RGS7: variants seen among roughly 807,000 people sequenced by gnomAD.
RGS7 encodes the protein regulator of G protein signaling 7.
RGS7 carries 27 observed loss-of-function variants against 81.1 expected under a neutral mutation model. The observed-to-expected ratio is 0.33, with a 90% CI of 0.25 to 0.46. The LOEUF (loss-of-function observed/expected upper bound fraction) is 0.46. Ranked by LOEUF, RGS7 falls within the 20% of genes least tolerant of loss-of-function variation. The probability of loss-of-function intolerance (pLI) is 1.00; values close to 1 mark genes in which losing one functional copy is unlikely to be tolerated. For missense variants in RGS7, 396 were observed against 607.4 expected (o/e 0.65, Z 3.66); for synonymous variants, 208 against 207.7 (o/e 1.00, Z -0.01).
At chr1:240,933,745 G>T (rs1287515574) in intron 5 of RGS7, among the ~76,000 whole-genome samples, 1 of 151,876 alleles carries the variant, frequency 6.6e-6, no homozygotes, top group Non-Finnish European at 1.5e-5. Context: ...ATATACTAAT[G>T]TATTGAAAGT....
At chr1:241,110,553 G>C (rs575458009) in intron 2 of RGS7, among the ~76,000 whole-genome samples, 2 of 152,258 alleles carry the variant, frequency 1.3e-5, no homozygotes, top group East Asian at 3.9e-4. Context: ...CTGGGATTTA[G>C]CTAATCTCTG....
intron 2 of RGS7, among the ~76,000 whole-genome samples, chr1:241,142,949 G>T (rs967785564): frequency 6.6e-6 from 1 of 152,056 alleles, no homozygotes; most frequent in Non-Finnish European, 1.5e-5. Context: ...AATTTCTTCC[G>T]CCAGATACCC....
At chr1:241,244,011 A>G (rs907508991) in intron 2 of RGS7, among the ~76,000 whole-genome samples, 4 of 152,216 alleles carry the variant, frequency 2.6e-5, no homozygotes, top group African/African-American at 9.6e-5. Flanking sequence ...GATCCTTTCT[A>G]GCGGGCAGTG....
chr1:240,823,206 C>A, intron 10 of RGS7: 1 of 860,326 alleles, frequency 1.2e-6, no homozygotes, highest in South Asian at 1.3e-5. Context: ...TGTCCATGGA[C>A]TTCTTCGTAT....
chr1:241,098,821 C>A, intron 2 of RGS7, 59 bp from the exon 3 acceptor site: 1 of 1,239,052 alleles, frequency 8.1e-7, no homozygotes, highest in South Asian at 1.2e-5. Context: ...GAAAAAAAAT[C>A]AGCTCTCATA....
intron 2 of RGS7, among the ~76,000 whole-genome samples, chr1:241,338,839 A>G (rs1213417303): frequency 6.6e-6 from 1 of 152,074 alleles, no homozygotes; most frequent in Non-Finnish European, 1.5e-5. Flanking sequence ...ACATATTATC[A>G]TCATCACTGA....
At chr1:241,090,349 C>T (rs1232822861) in intron 3 of RGS7, among the ~76,000 whole-genome samples, 1 of 152,030 alleles carries the variant, frequency 6.6e-6, no homozygotes, top group Non-Finnish European at 1.5e-5. Context: ...CTGGCATGTG[C>T]AATTTTTACT....
In RGS7 at chr1:241,316,533, C is replaced by CTGA. The variant is rs1444680425; in HGVS notation, c.78+39163_78+39165dup. ...GATTTGAGGAGCTGTATTCAGGAGA[C>CTGA]TGATGGAAGACCAAATGTAAGTATT... On this transcript the variant is annotated intron_variant, in intron 2 of 18. Coordinates refer to ENST00000440928, the MANE Select transcript of RGS7 (RefSeq NM_001364886.1). Among the ~76,000 whole-genome samples the CTGA allele has an allele frequency of 2.6e-5, 4 of 152,180 alleles. No homozygotes were observed. The East Asian group carries it at 5.8e-4, about 22-fold the overall frequency.
intron 6 of RGS7, among the ~76,000 whole-genome samples, chr1:240,872,299 G>C (rs1212113244): frequency 1.3e-5 from 2 of 152,056 alleles, no homozygotes; most frequent in African/African-American, 4.8e-5. Flanking sequence ...TTGGTATAAA[G>C]AAAGACAGGA....
At chr1:241,078,349 T>C (rs1207215623) in intron 3 of RGS7, among the ~76,000 whole-genome samples, 1 of 122,886 alleles carries the variant, frequency 8.1e-6, no homozygotes, top group Non-Finnish European at 1.7e-5. Context: ...GTGTGTGGCA[T>C]AAACTGATAC....
At chr1:241,336,225 A>T (rs2082239384) in intron 2 of RGS7, among the ~76,000 whole-genome samples, 1 of 152,144 alleles carries the variant, frequency 6.6e-6, no homozygotes. Flanking sequence ...TAAGAAAGGA[A>T]ATGCTGCAGA....
At chr1:240,984,264 T>C (rs1429499845) in intron 3 of RGS7, among the ~76,000 whole-genome samples, 1 of 152,196 alleles carries the variant, frequency 6.6e-6, no homozygotes, top group East Asian at 1.9e-4. Context: ...TTGAGGAGTA[T>C]GACTGGCAAT....
chr1:241,221,973 C>T (rs936386483), intron 2 of RGS7, among the ~76,000 whole-genome samples: 7 of 152,024 alleles, frequency 4.6e-5, no homozygotes, highest in Non-Finnish European at 1.0e-4. Context: ...ATAGACATAC[C>T]CGTATTCTAT....
chr1:241,225,836 T>G (rs567525100), intron 2 of RGS7, among the ~76,000 whole-genome samples: 1 of 152,280 alleles, frequency 6.6e-6, no homozygotes, highest in East Asian at 1.9e-4. Context: ...TATGCCAGCT[T>G]TCAAATTGCA....
At chr1:241,099,369 C>A (rs1448527804) in intron 2 of RGS7, among the ~76,000 whole-genome samples, 1 of 152,062 alleles carries the variant, frequency 6.6e-6, no homozygotes, top group African/African-American at 2.4e-5. Flanking sequence ...ACACTCCACA[C>A]ATGCACATGT....
At chr1:240,958,741 A>C (rs902611891) in intron 4 of RGS7, among the ~76,000 whole-genome samples, 3 of 152,176 alleles carry the variant, frequency 2.0e-5, no homozygotes, top group Non-Finnish European at 4.4e-5. Flanking sequence ...TGTATATGTC[A>C]AAAAGCTTCC....
chr1:241,051,555 C>G (rs778652207), intron 3 of RGS7, among the ~76,000 whole-genome samples: 2 of 152,006 alleles, frequency 1.3e-5, no homozygotes, highest in Non-Finnish European at 2.9e-5. Context: ...TCTCTCTCCC[C>G]GCACCCCCCA....
At chr1:240,846,095 T>A (rs1427384139) in intron 9 of RGS7, among the ~76,000 whole-genome samples, 1 of 152,198 alleles carries the variant, frequency 6.6e-6, no homozygotes, top group African/African-American at 2.4e-5. Flanking sequence ...CCATTGAGTG[T>A]CTGCTGTGTT....
At chr1:240,813,843 G>C (rs1690317370) in intron 12 of RGS7, 115 bp from the exon 13 acceptor site, 2 of 722,366 alleles carry the variant, frequency 2.8e-6, no homozygotes, top group Non-Finnish European at 5.0e-6. Flanking sequence ...TTCACTTAAA[G>C]CATGAAATCC....
Sources: allele counts gnomAD v4.1 joint callset (sites outside exome capture counted in the v4.1 genomes callset), GRCh38; gene constraint gnomAD v4.1.1; transcripts MANE v1.5; gene names NCBI Gene and HGNC (gene_info 2026-07-23, HGNC 2026-07-21).